Variants in ATXN1 observed in about 807,000 individuals in gnomAD.
ATXN1 encodes the protein ataxin-1.
Under a neutral mutation model 56.4 loss-of-function variants are expected in ATXN1, and 8 were observed. The observed-to-expected ratio is 0.14, with a 90% CI of 0.08 to 0.26. The LOEUF is 0.26. ATXN1 is among the 10% of genes least tolerant of loss of function. The pLI is 1.00. For missense variants in ATXN1, 987 were observed against 1,106.5 expected, an observed-to-expected ratio of 0.89 and a Z score of 1.53; for synonymous variants, 514 against 494.6, an observed-to-expected ratio of 1.04 and a Z score of -0.52.
intron 4 of ATXN1, among the ~76,000 whole-genome samples, chr6:16,531,419 T>C (rs1019009315): frequency 3.3e-5 from 5 of 152,090 alleles, no homozygotes; most frequent in Non-Finnish European, 7.4e-5. Context: ...GGTCAGAAGT[T>C]CAAGACCAGC....
chr6:16,738,613 A>G (rs576546750), intron 2 of ATXN1: 2 of 152,376 alleles, frequency 1.3e-5, no homozygotes, highest in East Asian at 3.9e-4. Flanking sequence ...AAGCACATCT[A>G]TGACTGAATT....
intron 7 of ATXN1, among the ~76,000 whole-genome samples, chr6:16,324,816 C>T (rs1760763052): frequency 6.6e-6 from 1 of 152,220 alleles, no homozygotes; most frequent in South Asian, 2.1e-4. Flanking sequence ...AGTGACTCAT[C>T]TTGGCTACAG....
chr6:16,672,002 C>T (rs1758550174), intron 2 of ATXN1, among the ~76,000 whole-genome samples: 1 of 152,112 alleles, frequency 6.6e-6, no homozygotes, highest in Non-Finnish European at 1.5e-5. Flanking sequence ...CAAGTGTGAG[C>T]CAAGGACCTT....
chr6:16,548,537 T>C (rs1246220600), intron 4 of ATXN1, among the ~76,000 whole-genome samples: 2 of 152,238 alleles, frequency 1.3e-5, no homozygotes, highest in East Asian at 1.9e-4. Flanking sequence ...TCATCCACTT[T>C]AAAGTTGTAC....
chr6:16,453,373 A>C (rs1001148065), intron 6 of ATXN1, among the ~76,000 whole-genome samples: 6 of 152,164 alleles, frequency 3.9e-5, no homozygotes, highest in Non-Finnish European at 8.8e-5. Context: ...AGGCAGGAGA[A>C]TCGCTTGAAC....
chr6:16,695,582 A>C (rs1180359539), intron 2 of ATXN1, among the ~76,000 whole-genome samples: 1 of 152,206 alleles, frequency 6.6e-6, no homozygotes, highest in Non-Finnish European at 1.5e-5. Context: ...CAGCTTCTGA[A>C]GTTCTTAGTC....
intron 2 of ATXN1, among the ~76,000 whole-genome samples, chr6:16,664,873 A>C (rs962844467): frequency 6.6e-6 from 1 of 152,198 alleles, no homozygotes; most frequent in African/African-American, 2.4e-5. Context: ...AAAATTGAGA[A>C]AAATGTAAAA....
chr6:16,713,087 C>G (rs928532504), intron 2 of ATXN1, among the ~76,000 whole-genome samples: 20 of 152,200 alleles, frequency 1.3e-4, no homozygotes, highest in African/African-American at 4.8e-4. Context: ...GTCATCCCTT[C>G]CAGTGAAAGA....
intron 3 of ATXN1, among the ~76,000 whole-genome samples, chr6:16,595,132 T>C (rs1306410336): frequency 6.6e-6 from 1 of 152,132 alleles, no homozygotes; most frequent in Admixed American, 6.6e-5. Flanking sequence ...GCTTGTGAAA[T>C]TGAGAGACTT....
Position 16,612,212 on chromosome 6 carries a change from G to A in ATXN1, c.-488-26305C>T, listed in dbSNP as rs185681773. Among the ~76,000 whole-genome samples the A allele has an allele frequency of 1.5e-3, 226 of 152,034 alleles. 1 individual carries two copies. The highest frequency in any genetic ancestry group is 2.8e-3 in the Non-Finnish European group (191 of 67,976). ...AGAAGTAGGATAAAATCATAAATAT[G>A]GCAGATCTGATGACAAGATAAGCCT... is the stretch of plus-strand genomic sequence containing the variant. On this transcript the variant is annotated intron_variant, in intron 3 of 7. Transcript: ENST00000436367.
Position 16,326,683 on chromosome 6 carries a change from G to C in ATXN1, c.1628C>G (p.Ala543Gly), listed in dbSNP as rs746398636. The C allele has an allele frequency of 1.7e-5, 28 of 1,613,106 alleles. No individual in the cohort carries two copies. The highest frequency in any genetic ancestry group is 2.4e-5 in the Non-Finnish European group (28 of 1,180,030). ...CTGGGCCTGCACCATGGCTGGGTAGGCGGCCTGGGTGACCAGGGCCTCAGG... is the reference window on the plus strand; with the variant it reads ...CTGGGCCTGCACCATGGCTGGGTAGCCGGCCTGGGTGACCAGGGCCTCAGG... ...FNPEALVTQA[A>G]YPAMVQAQIH... Residue 543 changes from alanine to glycine, a missense_variant, in exon 7 of 8, where the codon GCC becomes GGC. Around this residue, in one of 3 missense-constraint regions of ATXN1, gnomAD observed 723 missense variants for 791.7 expected, o/e 0.91. Coordinates refer to ENST00000436367, the MANE Select transcript of ATXN1 (RefSeq NM_001128164.2). This position sits in a 1 kb window ranked among gnomAD's most constrained non-coding sequence, Gnocchi z 6.6.
intron 3 of ATXN1, among the ~76,000 whole-genome samples, chr6:16,627,493 C>A (rs943429770): frequency 5.3e-5 from 8 of 152,114 alleles, no homozygotes; most frequent in African/African-American, 1.7e-4. Context: ...CTTTGGGAGG[C>A]CGAGGTGGGC....
At chr6:16,337,438 A>G (rs1167535873) in intron 6 of ATXN1, among the ~76,000 whole-genome samples, 1 of 152,234 alleles carries the variant, frequency 6.6e-6, no homozygotes, top group Non-Finnish European at 1.5e-5. Context: ...GCCGGCTCAC[A>G]TGGAAAACGC....
At chr6:16,480,917 T>C (rs964235828) in intron 6 of ATXN1, among the ~76,000 whole-genome samples, 1 of 151,870 alleles carries the variant, frequency 6.6e-6, no homozygotes, top group African/African-American at 2.4e-5. Flanking sequence ...CCTCAGGAGG[T>C]AGCTCTGACA....
At chr6:16,392,036 G>C (rs1758364252) in intron 6 of ATXN1, among the ~76,000 whole-genome samples, 1 of 152,208 alleles carries the variant, frequency 6.6e-6, no homozygotes, top group South Asian at 2.1e-4. Context: ...CAGAGAAACA[G>C]AGCTGGGTGG....
At chr6:16,318,899 GC>G (rs1290620898) in intron 7 of ATXN1, among the ~76,000 whole-genome samples, 2 of 152,152 alleles carry the variant, frequency 1.3e-5, no homozygotes, top group African/African-American at 4.8e-5. Context: ...TAGCTCACTT[GC>G]CTTCCTTTTC....
intron 2 of ATXN1, among the ~76,000 whole-genome samples, chr6:16,709,767 CA>C (rs1759485069): frequency 6.6e-6 from 1 of 152,004 alleles, no homozygotes; most frequent in Non-Finnish European, 1.5e-5. Flanking sequence ...TATAAAGAAA[CA>C]AAATTACAGA....
At chr6:16,740,896 A>G (rs1561832574) in intron 2 of ATXN1, among the ~76,000 whole-genome samples, 1 of 152,202 alleles carries the variant, frequency 6.6e-6, no homozygotes, top group Non-Finnish European at 1.5e-5. Flanking sequence ...CACATACCCA[A>G]GGGATTGGAC....
At chr6:16,747,468 T>C (rs558476731) in intron 2 of ATXN1, among the ~76,000 whole-genome samples, 2 of 152,276 alleles carry the variant, frequency 1.3e-5, no homozygotes, top group South Asian at 2.1e-4. Context: ...CATACAACTG[T>C]TACAGGGAGG....
Sources: allele counts gnomAD v4.1 joint callset (sites outside exome capture counted in the v4.1 genomes callset), GRCh38; gene constraint gnomAD v4.1.1; regional missense constraint gnomAD v4.1.1; non-coding constraint Gnocchi (gnomAD v3.1); transcripts MANE v1.5; gene names NCBI Gene and HGNC (gene_info 2026-07-23, HGNC 2026-07-21).